SNHG17: variants seen among roughly 807,000 people sequenced by gnomAD.
The protein encoded by SNHG17 is small nucleolar RNA host gene 17 (non-protein coding).
At chr20:38,426,257 C>T (rs1214977795) in intron 4 of SNHG17, among the ~76,000 whole-genome samples, 2 of 151,994 alleles carry the variant, frequency 1.3e-5, no homozygotes, top group East Asian at 1.9e-4. Context: ...ACAGTGGAGT[C>T]GCAGAGTTCG....
chr20:38,427,470 G>A (rs1262564675), intron 3 of SNHG17: 7 of 507,458 alleles, frequency 1.4e-5, no homozygotes, highest in Middle Eastern at 3.2e-4. Flanking sequence ...AGCCAGGAAG[G>A]GCAGGAGGAT....
chr20:38,427,180 G>C (rs886323624), intron 3 of SNHG17: 4 of 345,370 alleles, frequency 1.2e-5, no homozygotes, highest in Non-Finnish European at 1.8e-5. Flanking sequence ...TCAGAACACA[G>C]AGCCTGGTTT....
chr20:38,426,995 T>TACACACAC (rs765781057), intron 3 of SNHG17, among the ~76,000 whole-genome samples: 1,714 of 125,594 alleles, frequency 0.014, 59 homozygotes, highest in African/African-American at 0.044. Context: ...AAGTTACACA[T>TACACACAC]ACACACACAC....
chr20:38,430,000 T>A lies in SNHG17; in HGVS notation n.380+1041A>T, dbSNP rs527934580. Among the ~76,000 whole-genome samples the A allele has an allele frequency of 2.0e-5, 3 of 152,302 alleles. No individual in the cohort carries two copies. The East Asian group carries it at 5.8e-4, about 29-fold the overall frequency. Reference sequence around the variant, plus strand: ...AGGAAGGCAAACATGGGCAGAAATATTGAGAATCCTGGGGCTCTTCTCAAA... The same window carrying A: ...AGGAAGGCAAACATGGGCAGAAATAATGAGAATCCTGGGGCTCTTCTCAAA... On this transcript the variant is annotated intron_variant and non_coding_transcript_variant, in intron 3 of 8. Coordinates refer to ENST00000654008, the Ensembl canonical transcript of SNHG17.
chr20:38,433,932 C>T (rs766649388), intron 2 of SNHG17: 6 of 519,076 alleles, frequency 1.2e-5, no homozygotes, highest in Non-Finnish European at 1.9e-5. Context: ...GCACTTTCCG[C>T]GATTTCTCTC....
chr20:38,425,501 A>G, intron 5 of SNHG17: 1 of 365,312 alleles, frequency 2.7e-6, no homozygotes, highest in Non-Finnish European at 5.4e-6. Flanking sequence ...CCCAAACTTT[A>G]GCATGAATAC....
chr20:38,426,995 T>TACACACACACAC lies in SNHG17; in HGVS notation n.381-504_381-493dup, dbSNP rs765781057. On this transcript the variant is annotated intron_variant and non_coding_transcript_variant, in intron 3 of 8. Coordinates refer to ENST00000654008, the Ensembl canonical transcript of SNHG17. The stretch of plus-strand genomic sequence containing the variant: ...CCCTATCCTGTCCCCAAGTTACACA[T>TACACACACACAC]ACACACACACACACACACACACACA... Among the ~76,000 whole-genome samples, 582 of 125,622 alleles carry TACACACACACAC rather than the reference T, an allele frequency of 4.6e-3. 10 individuals carry two copies. The highest frequency in any genetic ancestry group is 0.015 in the African/African-American group (511 of 35,150). 82.4% of individuals were successfully genotyped at this position (125,622 alleles called of 152,430 possible).
At chr20:38,429,730 C>T (rs1406242022) in intron 3 of SNHG17, 5 of 514,572 alleles carry the variant, frequency 9.7e-6, no homozygotes, top group African/African-American at 1.9e-5. Flanking sequence ...CGGGGAAGTG[C>T]TCTCGGCAGT....
At position 38,433,919 on chromosome 20, in the gene SNHG17, G is replaced by T. The variant is rs1213604299; in HGVS notation, n.308+585C>A. The T allele has an allele frequency of 5.8e-6, 3 of 519,240 alleles. No individual in the cohort carries two copies. The Admixed American group carries it at 5.8e-5, about 10-fold the overall frequency. The allele number at this position is 519,240 out of a possible 1,614,324, so 32.2% of individuals were successfully genotyped here. On this transcript the variant is annotated intron_variant and non_coding_transcript_variant, in intron 2 of 8. Coordinates refer to ENST00000654008, the Ensembl canonical transcript of SNHG17. Reference sequence around the variant, plus strand: ...CAGGAGCGGACCCTCCAAACACGGGGAAGCACTTTCCGCGATTTCTCTCCC... The same window carrying T: ...CAGGAGCGGACCCTCCAAACACGGGTAAGCACTTTCCGCGATTTCTCTCCC...
At chr20:38,432,554 G>T (rs910104463) in intron 2 of SNHG17, among the ~76,000 whole-genome samples, 1 of 152,092 alleles carries the variant, frequency 6.6e-6, no homozygotes, top group African/African-American at 2.4e-5. Context: ...GGTGGCCCAC[G>T]GACAAGACCG....
intron 5 of SNHG17, chr20:38,422,306 T>C (rs182743075): frequency 2.0e-5 from 3 of 152,498 alleles, no homozygotes; most frequent in African/African-American, 7.2e-5. Flanking sequence ...GGACCCATGG[T>C]CCAGCGCCCT....
chr20:38,424,441 G>A (rs73905613), intron 5 of SNHG17, among the ~76,000 whole-genome samples: 1,677 of 152,270 alleles, frequency 0.011, 24 homozygotes, highest in African/African-American at 0.038. Flanking sequence ...GACCATGGAC[G>A]CTCCTCACAG....
intron 3 of SNHG17, among the ~76,000 whole-genome samples, chr20:38,430,387 T>C (rs1199278684): frequency 1.3e-5 from 2 of 151,906 alleles, no homozygotes; most frequent in East Asian, 3.9e-4. Flanking sequence ...CACAGCACTT[T>C]GGGAGGCCAA....
chr20:38,433,953 C>G (rs373487727), intron 2 of SNHG17: 44 of 519,216 alleles, frequency 8.5e-5, no homozygotes, highest in African/African-American at 8.1e-4. Flanking sequence ...CCTGCACTAT[C>G]AATGACCAGG....
chr20:38,434,884 G>A, intron 1 of SNHG17: 1 of 1,212,188 alleles, frequency 8.2e-7, no homozygotes, highest in South Asian at 4.3e-5. Context: ...GCCAGGAGTC[G>A]GGGGCGGGCA....
intron 2 of SNHG17, chr20:38,434,068 A>G (rs1029534062): frequency 8.1e-6 from 4 of 495,686 alleles, no homozygotes; most frequent in African/African-American, 1.9e-5. Context: ...CTCACCCCCC[A>G]GGGAAGAGAA....
At chr20:38,435,319 G>A in exon 1 of SNHG17, 4 of 1,231,372 alleles carry the variant, frequency 3.2e-6, no homozygotes, top group Non-Finnish European at 3.0e-6. Flanking sequence ...GCGAGGGACG[G>A]CGAAGGACTG....
intron 5 of SNHG17, among the ~76,000 whole-genome samples, chr20:38,425,609 C>T (rs1432874996): frequency 6.6e-6 from 1 of 152,206 alleles, no homozygotes; most frequent in Non-Finnish European, 1.5e-5. Flanking sequence ...GCACTTCTTA[C>T]AAGTTCCCAA....
intron 3 of SNHG17, chr20:38,429,838 C>T (rs2084314305): frequency 2.0e-6 from 1 of 512,206 alleles, no homozygotes; most frequent in South Asian, 1.4e-5. Flanking sequence ...AGAAAGGAGG[C>T]CAATGCTGGC....
Sources: allele counts gnomAD v4.1 joint callset (sites outside exome capture counted in the v4.1 genomes callset), GRCh38; gene constraint gnomAD v4.1.1; transcripts MANE v1.5; gene names NCBI Gene and HGNC (gene_info 2026-07-23, HGNC 2026-07-21).